Variants in CHN2 observed in about 807,000 individuals in gnomAD.
CHN2 encodes beta-chimaerin.
CHN2 carries 35 observed loss-of-function variants against 56.3 expected under a neutral mutation model. That is an observed-to-expected ratio of 0.62 (90% CI 0.47 to 0.82). CHN2 has a LOEUF of 0.82. CHN2 is among the 40% of genes least tolerant of loss of function. The pLI, the probability that CHN2 is intolerant of heterozygous loss-of-function variation, is 0.00. For synonymous variants in CHN2, 210 were observed against 212.8 expected (o/e 0.99, Z 0.12); for missense variants, 491 against 580.5 (o/e 0.85, Z 1.58).
intron 1 of CHN2, among the ~76,000 whole-genome samples, chr7:29,241,352 G>A (rs1787666305): frequency 6.6e-6 from 1 of 152,160 alleles, no homozygotes; most frequent in African/African-American, 2.4e-5. Context: ...CTGCTAGAGT[G>A]CTTCCCACCT....
intron 1 of CHN2, chr7:29,197,790 C>T: frequency 2.6e-6 from 1 of 380,188 alleles, no homozygotes; most frequent in Non-Finnish European, 5.2e-6. Context: ...ACAGCAACCT[C>T]TATTCCAGTT....
rs376766537 is a variant in CHN2 at position 29,337,688 on chromosome 7, A to ATGC, written c.50-16935_50-16933dup. 3.8e-3 allele frequency among the ~76,000 whole-genome samples: 575 copies of ATGC among 152,334 alleles called. 4 individuals are homozygous for ATGC. Among genetic ancestry groups the ATGC allele is most frequent in the African/African-American group, 0.013 (553 of 41,556 alleles). On this transcript the variant is annotated intron_variant, in intron 1 of 12. Transcript: ENST00000222792. ...CATTTGGCATGGAAGTGATAAATGCATGCTAATGCAGAGCTTAATGTGGAG... is the reference window on the plus strand; with the variant it reads ...CATTTGGCATGGAAGTGATAAATGCATGCTGCTAATGCAGAGCTTAATGTGGAG...
intron 6 of CHN2, among the ~76,000 whole-genome samples, chr7:29,442,972 C>T (rs780682529): frequency 8.3e-5 from 8 of 96,368 alleles, no homozygotes; most frequent in Non-Finnish European, 1.5e-4. Context: ...CTCGCTCTGT[C>T]GCCCAGGCCA....
intron 3 of CHN2, among the ~76,000 whole-genome samples, chr7:29,386,731 A>G (rs1294036577): frequency 6.6e-6 from 1 of 152,240 alleles, no homozygotes; most frequent in East Asian, 1.9e-4. Flanking sequence ...GAAATAAACC[A>G]GGTAGTTTGG....
At chr7:29,480,421 T>A (rs1787066525) in intron 7 of CHN2, 65 bp downstream of exon 7, 2 of 1,517,174 alleles carry the variant, frequency 1.3e-6, no homozygotes, top group South Asian at 2.3e-5. Context: ...CAGTGTATAG[T>A]TTCCGTCTGG....
At chr7:29,480,070 G>C in intron 6 of CHN2, 1 of 1,548,862 alleles carries the variant, frequency 6.5e-7, no homozygotes, top group Non-Finnish European at 8.7e-7. Context: ...GGCTTCCTGG[G>C]CTCTGCAGAG....
intron 6 of CHN2, among the ~76,000 whole-genome samples, chr7:29,462,030 G>A (rs1585479272): frequency 6.6e-6 from 1 of 152,118 alleles, no homozygotes; most frequent in East Asian, 1.9e-4. Flanking sequence ...TTTTAATATT[G>A]TACTTGGAAC....
chr7:29,469,658 T>C (rs1420907426), intron 6 of CHN2, among the ~76,000 whole-genome samples: 1 of 152,226 alleles, frequency 6.6e-6, no homozygotes, highest in East Asian at 1.9e-4. Flanking sequence ...AATTTCCAAA[T>C]GTCACCTTCT....
intron 8 of CHN2, among the ~76,000 whole-genome samples, chr7:29,497,780 A>G (rs1416896918): frequency 6.6e-6 from 1 of 152,186 alleles, no homozygotes; most frequent in Non-Finnish European, 1.5e-5. Flanking sequence ...TCAGTATTAA[A>G]CTCTACATAA....
Position 29,215,285 on chromosome 7 carries a change from A to G in CHN2, c.49+20295A>G, listed in dbSNP as rs563049880. Among the ~76,000 whole-genome samples the G allele has an allele frequency of 1.1e-3, 160 of 152,340 alleles. 2 individuals are homozygous for G. The highest frequency in any genetic ancestry group is 2.0e-3 in the Non-Finnish European group (136 of 68,022). On this transcript the variant is annotated intron_variant, in intron 1 of 12. Coordinates refer to ENST00000222792, the MANE Select transcript of CHN2 (RefSeq NM_004067.4). Reference sequence around the variant, plus strand: ...GGGAGTCTTACAGTGGCACAGGTACAGCCCTTAGACAGAAAAGAAGCCTGA... The same window carrying G: ...GGGAGTCTTACAGTGGCACAGGTACGGCCCTTAGACAGAAAAGAAGCCTGA...
At chr7:29,385,262 A>G (rs1320818829) in intron 3 of CHN2, among the ~76,000 whole-genome samples, 2 of 151,866 alleles carry the variant, frequency 1.3e-5, no homozygotes, top group Non-Finnish European at 2.9e-5. Context: ...TTTGTTGCTT[A>G]TTTGCATTTT....
intron 2 of CHN2, among the ~76,000 whole-genome samples, chr7:29,173,390 A>G (rs1431662747): frequency 6.6e-6 from 1 of 152,106 alleles, no homozygotes. Flanking sequence ...AGGTGGTGCT[A>G]TTAATAATAC....
chr7:29,267,722 T>A (rs1329716296), intron 1 of CHN2, among the ~76,000 whole-genome samples: 1 of 152,206 alleles, frequency 6.6e-6, no homozygotes, highest in Non-Finnish European at 1.5e-5. Flanking sequence ...AATCTGTTAT[T>A]TGCTGCCTAG....
intron 6 of CHN2, among the ~76,000 whole-genome samples, chr7:29,450,813 G>A (rs1250738466): frequency 1.3e-5 from 2 of 151,672 alleles, no homozygotes; most frequent in Non-Finnish European, 2.9e-5. Flanking sequence ...TGCCCTGTTG[G>A]CAGGCTGGTG....
At chr7:29,408,206 T>A (rs1162907405) in intron 6 of CHN2, among the ~76,000 whole-genome samples, 1 of 148,396 alleles carries the variant, frequency 6.7e-6, no homozygotes, top group South Asian at 2.1e-4. Context: ...AAAAAATAAA[T>A]TAAATTAAAA....
At chr7:29,475,084 T>C (rs1278084357) in intron 6 of CHN2, among the ~76,000 whole-genome samples, 1 of 152,166 alleles carries the variant, frequency 6.6e-6, no homozygotes, top group East Asian at 1.9e-4. Context: ...TTCCTGCCCA[T>C]TGACCCACCC....
At chr7:29,308,359 C>T (rs1794329962) in intron 1 of CHN2, among the ~76,000 whole-genome samples, 1 of 152,212 alleles carries the variant, frequency 6.6e-6, no homozygotes, top group Admixed American at 6.5e-5. Flanking sequence ...CCTTCCTCCT[C>T]TGTTAGTCAG....
At chr7:29,198,401 T>TG (rs1378236859) in intron 1 of CHN2, among the ~76,000 whole-genome samples, 8 of 152,246 alleles carry the variant, frequency 5.3e-5, no homozygotes, top group African/African-American at 1.9e-4. Context: ...GTGTCATTTA[T>TG]TCTATGGTAC....
chr7:29,150,837 G>A (rs1793492488), intron 2 of CHN2, among the ~76,000 whole-genome samples: 1 of 152,164 alleles, frequency 6.6e-6, no homozygotes, highest in Non-Finnish European at 1.5e-5. Context: ...ACAGCGAAAA[G>A]AGAAATGTCA....
Sources: gnomAD v4.1 joint callset for allele counts (sites outside exome capture counted in the v4.1 genomes callset) on GRCh38, gnomAD v4.1.1 for gene constraint, MANE v1.5 for transcripts, NCBI Gene and HGNC (gene_info 2026-07-23, HGNC 2026-07-21) for gene names.